The following MYO3A variants were observed in gnomAD, a reference collection of about 807,000 sequenced individuals.
The protein encoded by MYO3A is myosin IIIA, also known as myosin-IIIa.
Under a neutral mutation model 192.7 loss-of-function variants are expected in MYO3A, and 180 were observed. The observed-to-expected ratio is 0.93, with a 90% CI of 0.83 to 1.06. The LOEUF is 1.06. Among genes scored for constraint, MYO3A ranks in the 50% least tolerant of loss-of-function variants. The pLI is 0.00. For synonymous variants in MYO3A, 628 were observed against 645.3 expected (o/e 0.97, Z 0.41); for missense variants, 1,896 against 1,905.0 (o/e 1.00, Z 0.09).
intron 6 of MYO3A, among the ~76,000 whole-genome samples, chr10:26,000,351 G>A (rs1456479250): frequency 6.6e-6 from 1 of 151,876 alleles, no homozygotes; most frequent in Non-Finnish European, 1.5e-5. Flanking sequence ...TTTTTTTCCT[G>A]CCTGATAACA....
intron 22 of MYO3A, among the ~76,000 whole-genome samples, chr10:26,146,535 G>T (rs1224534598): frequency 6.6e-6 from 1 of 152,146 alleles, no homozygotes; most frequent in East Asian, 1.9e-4. Flanking sequence ...ACCTTCTCAA[G>T]GTGTCCCCAC....
chr10:26,212,192 C>G lies in MYO3A; in HGVS notation c.*229C>G. On this transcript the variant is annotated 3_prime_UTR_variant, in exon 35 of 35. Transcript: ENST00000642920. ...CCTCCCCCGACGCTCTCTCTCGGAA[C>G]TCCCGCACCCTCCTTTCTCACCAGC... The G allele has an allele frequency of 1.7e-6, 1 of 574,168 alleles. No homozygotes were observed. The allele number at this position is 574,168 out of a possible 1,614,324, so 35.6% of individuals were successfully genotyped here.
chr10:26,024,602 A>G (rs1295100116), intron 9 of MYO3A, among the ~76,000 whole-genome samples: 1 of 152,124 alleles, frequency 6.6e-6, no homozygotes, highest in African/African-American at 2.4e-5. Context: ...AGTGGCCAGT[A>G]ATGGTCTTTC....
chr10:25,987,199 C>T (rs1226092522), intron 4 of MYO3A, among the ~76,000 whole-genome samples: 1 of 152,092 alleles, frequency 6.6e-6, no homozygotes, highest in African/African-American at 2.4e-5. Context: ...TTACCTTCCA[C>T]AAAAATCAAC....
intron 14 of MYO3A, among the ~76,000 whole-genome samples, chr10:26,080,680 G>C (rs1395689495): frequency 6.6e-6 from 1 of 151,968 alleles, no homozygotes. Flanking sequence ...ATTTGGGTAG[G>C]CTCTATCAGA....
chr10:26,015,069 A>T (rs1841912210), intron 6 of MYO3A, among the ~76,000 whole-genome samples: 2 of 152,338 alleles, frequency 1.3e-5, no homozygotes, highest in South Asian at 4.1e-4. Flanking sequence ...TGTTGGACAG[A>T]ACTAAAATAG....
At chr10:26,116,997 T>G (rs187740734) in intron 17 of MYO3A, among the ~76,000 whole-genome samples, 2 of 152,360 alleles carry the variant, frequency 1.3e-5, no homozygotes, top group Admixed American at 1.3e-4. Flanking sequence ...TCAGATCCAG[T>G]TGGGGAACCC....
At chr10:26,112,569 C>T (rs919819092) in intron 17 of MYO3A, among the ~76,000 whole-genome samples, 3 of 152,188 alleles carry the variant, frequency 2.0e-5, no homozygotes, top group Non-Finnish European at 4.4e-5. Flanking sequence ...CAGTTTACTG[C>T]AGCACAATTT....
intron 4 of MYO3A, among the ~76,000 whole-genome samples, chr10:25,980,730 CTT>C (rs1479347940): frequency 6.6e-6 from 1 of 151,990 alleles, no homozygotes; most frequent in Admixed American, 6.6e-5. Context: ...AATTGGTAGA[CTT>C]TATTTTTTGA....
intron 10 of MYO3A, among the ~76,000 whole-genome samples, chr10:26,048,556 T>TGTGA (rs1491393937): frequency 2.4e-5 from 1 of 42,270 alleles, no homozygotes; most frequent in Non-Finnish European, 7.5e-5. Context: ...TATATACATA[T>TGTGA]GTGTGTGTGT....
At chr10:26,188,302 G>A (rs1842959690) in intron 31 of MYO3A, among the ~76,000 whole-genome samples, 2 of 152,180 alleles carry the variant, frequency 1.3e-5, no homozygotes, top group South Asian at 4.1e-4. Context: ...TTTGAGAAGT[G>A]TCTGTTCATA....
Position 26,068,836 on chromosome 10 carries a change from A to T in MYO3A, c.1122A>T (p.Ile374=). The T allele has an allele frequency of 6.2e-7, 1 of 1,601,500 alleles. No individual in the cohort carries two copies. Among genetic ancestry groups the T allele is most frequent in the Non-Finnish European group, 8.6e-7 (1 of 1,168,686 alleles). ...RDQIYVYVGD[I]LIALNPFQSL... ...AGATCTACGTCTATGTGGGAGACATACTCATTGCTCTTAACCCTTTTCAGA... is the reference window on the plus strand; with the variant it reads ...AGATCTACGTCTATGTGGGAGACATTCTCATTGCTCTTAACCCTTTTCAGA... The change falls in exon 12 of 35, where the codon ATA becomes ATT. Residue 374 remains isoleucine (I), a synonymous_variant. Coordinates refer to ENST00000642920, the MANE Select transcript of MYO3A (RefSeq NM_017433.5).
At chr10:26,165,278 CA>C (rs1841684941) in intron 26 of MYO3A, among the ~76,000 whole-genome samples, 1 of 152,202 alleles carries the variant, frequency 6.6e-6, no homozygotes, top group African/African-American at 2.4e-5. Flanking sequence ...TTTTGAAATT[CA>C]AAACCTACCA....
intron 3 of MYO3A, among the ~76,000 whole-genome samples, chr10:25,954,404 G>T (rs990958762): frequency 6.6e-6 from 1 of 151,912 alleles, no homozygotes; most frequent in Non-Finnish European, 1.5e-5. Flanking sequence ...CTCTATTTGA[G>T]TTTTTTGGAA....
rs566411539 is a variant in MYO3A, at chr10:26,145,387, G to A, written c.2417-59G>A. 1.9e-4 allele frequency: 218 copies of A among 1,161,708 alleles called. No individual in the cohort carries two copies. The African/African-American group carries it at 2.8e-3, about 15-fold the overall frequency. 72.0% of individuals were successfully genotyped at this position (1,161,708 alleles called of 1,614,324 possible). On this transcript the variant is annotated intron_variant, in intron 21 of 34. Coordinates refer to ENST00000642920, the MANE Select transcript of MYO3A (RefSeq NM_017433.5). Reference sequence around the variant, plus strand: ...GTCCTTTTTATGGTAAATAATTTTCGCAGTATTTTTTGAGGATCTCATACA... The same window carrying A: ...GTCCTTTTTATGGTAAATAATTTTCACAGTATTTTTTGAGGATCTCATACA...
At chr10:26,162,501 G>A (rs1290417235) in intron 26 of MYO3A, among the ~76,000 whole-genome samples, 1 of 152,102 alleles carries the variant, frequency 6.6e-6, no homozygotes, top group Non-Finnish European at 1.5e-5. Flanking sequence ...TTGGAGTGAA[G>A]CAAGATATTA....
chr10:26,189,179 T>G (rs1160863293), intron 31 of MYO3A, among the ~76,000 whole-genome samples: 1 of 152,154 alleles, frequency 6.6e-6, no homozygotes, highest in Non-Finnish European at 1.5e-5. Flanking sequence ...CCAAGGTAAT[T>G]TATGGATTCA....
intron 10 of MYO3A, among the ~76,000 whole-genome samples, chr10:26,029,143 C>G (rs949101795): frequency 6.6e-6 from 1 of 152,174 alleles, no homozygotes. Context: ...AATGGTTGCA[C>G]TACACAGTAT....
At chr10:26,074,972 T>C (rs1227124586) in intron 14 of MYO3A, among the ~76,000 whole-genome samples, 1 of 152,092 alleles carries the variant, frequency 6.6e-6, no homozygotes. Flanking sequence ...AATCCAGTTT[T>C]CCCAGCACCA....
Sources: gnomAD v4.1 joint callset for allele counts (sites outside exome capture counted in the v4.1 genomes callset) on GRCh38, gnomAD v4.1.1 for gene constraint, MANE v1.5 for transcripts, NCBI Gene and HGNC (gene_info 2026-07-23, HGNC 2026-07-21) for gene names.